CTNNA3: variants seen among roughly 807,000 people sequenced by gnomAD.
The protein encoded by CTNNA3 is catenin alpha-3.
In CTNNA3, 76 loss-of-function variants were observed where a neutral mutation model predicts 95.7. The ratio of observed to expected loss-of-function variants is 0.79; its 90% confidence interval spans 0.66 to 0.96. The LOEUF (loss-of-function observed/expected upper bound fraction) is 0.96. CTNNA3 is among the 40% of genes least tolerant of loss of function. The pLI is 0.00. For synonymous variants in CTNNA3, 431 were observed against 374.4 expected, an observed-to-expected ratio of 1.15 and a Z score of -1.74; for missense variants, 1,191 against 1,089.8, an observed-to-expected ratio of 1.09 and a Z score of -1.31.
chr10:66,401,515 C>T (rs940982516), intron 11 of CTNNA3, among the ~76,000 whole-genome samples: 2 of 83,084 alleles, frequency 2.4e-5, no homozygotes, highest in Non-Finnish European at 4.6e-5. Context: ...GACTGTGTCT[C>T]AAAACACACA....
intron 7 of CTNNA3, among the ~76,000 whole-genome samples, chr10:66,899,561 G>A (rs1845640062): frequency 6.6e-6 from 1 of 152,164 alleles, no homozygotes; most frequent in African/African-American, 2.4e-5. Flanking sequence ...GCCTCACCCA[G>A]GAAGTGCAAG....
At chr10:67,304,537 C>A (rs975213903) in intron 5 of CTNNA3, among the ~76,000 whole-genome samples, 1 of 152,064 alleles carries the variant, frequency 6.6e-6, no homozygotes, top group African/African-American at 2.4e-5. Context: ...ATGTGTCCTG[C>A]AAATTTACCT....
intron 5 of CTNNA3, among the ~76,000 whole-genome samples, chr10:67,426,645 G>C (rs1310589288): frequency 1.3e-5 from 2 of 151,888 alleles, no homozygotes; most frequent in Non-Finnish European, 2.9e-5. Flanking sequence ...ATCACACACC[G>C]GGGCCTGTCG....
At chr10:66,649,129 A>C (rs1845808619) in intron 9 of CTNNA3, among the ~76,000 whole-genome samples, 1 of 152,144 alleles carries the variant, frequency 6.6e-6, no homozygotes, top group African/African-American at 2.4e-5. Flanking sequence ...TTAAAGGAGG[A>C]ATGATTGAAC....
chr10:67,232,599 C>T (rs545766631), intron 5 of CTNNA3, among the ~76,000 whole-genome samples: 51 of 151,908 alleles, frequency 3.4e-4, no homozygotes, highest in African/African-American at 1.2e-3. Context: ...AAAACTGCAT[C>T]AACTAACGAG....
chr10:66,153,511 T>G (rs941834315), intron 13 of CTNNA3, among the ~76,000 whole-genome samples: 3 of 151,982 alleles, frequency 2.0e-5, no homozygotes, highest in African/African-American at 7.2e-5. Flanking sequence ...TAGCCTTAGC[T>G]GCAGGATGTT....
intron 10 of CTNNA3, among the ~76,000 whole-genome samples, chr10:66,551,139 G>A (rs1842202841): frequency 6.6e-6 from 1 of 151,972 alleles, no homozygotes; most frequent in Non-Finnish European, 1.5e-5. Flanking sequence ...CTTTCCTTTA[G>A]CCTTTTGTTA....
intron 10 of CTNNA3, among the ~76,000 whole-genome samples, chr10:66,523,468 C>A (rs1371223509): frequency 2.0e-5 from 3 of 152,146 alleles, no homozygotes. Context: ...ATTCTTCTAA[C>A]CCTCTTTAGG....
chr10:66,381,789 C>A (rs190812130), intron 11 of CTNNA3, among the ~76,000 whole-genome samples: 1 of 152,098 alleles, frequency 6.6e-6, no homozygotes, highest in Admixed American at 6.5e-5. Flanking sequence ...ATCATTAAGC[C>A]CTACAGTAAA....
intron 11 of CTNNA3, among the ~76,000 whole-genome samples, chr10:66,425,701 T>C (rs12778802): frequency 2.7e-5 from 4 of 147,686 alleles, no homozygotes; most frequent in Non-Finnish European, 3.0e-5. Flanking sequence ...CACACACACA[T>C]ATATACACAC....
intron 6 of CTNNA3, among the ~76,000 whole-genome samples, chr10:67,182,466 G>A (rs1414963512): frequency 1.3e-5 from 2 of 152,078 alleles, no homozygotes; most frequent in Non-Finnish European, 2.9e-5. Context: ...AAATGGTGCT[G>A]GGAAAACGGG....
chr10:66,634,980 C>A (rs1042361545), intron 9 of CTNNA3, among the ~76,000 whole-genome samples: 1 of 152,062 alleles, frequency 6.6e-6, no homozygotes, highest in African/African-American at 2.4e-5. Flanking sequence ...GTAGACTGCT[C>A]TAAGAGTCCC....
rs1210264653 is a variant in CTNNA3 at position 66,284,271 on chromosome 10, T to C, written c.1733-3650A>G. On this transcript the variant is annotated intron_variant, in intron 12 of 17. Transcript: ENST00000433211. Reference sequence around the variant, plus strand: ...CATCTTGGCACTGTGCTAAGCATTTTAGATGCATGTCTCATAATCCTCACG... The same window carrying C: ...CATCTTGGCACTGTGCTAAGCATTTCAGATGCATGTCTCATAATCCTCACG... Among the ~76,000 whole-genome samples the C allele has an allele frequency of 5.9e-5, 9 of 152,086 alleles. No individual in the cohort carries two copies. In the East Asian group the frequency reaches 1.7e-3, roughly 29 times the overall value.
intron 11 of CTNNA3, among the ~76,000 whole-genome samples, chr10:66,495,564 A>G (rs1227944459): frequency 1.3e-5 from 2 of 152,220 alleles, no homozygotes; most frequent in Admixed American, 1.3e-4. Flanking sequence ...ATCATAACAC[A>G]AAAGTATCTA....
intron 2 of CTNNA3, among the ~76,000 whole-genome samples, chr10:67,633,137 T>C (rs746768885): frequency 3.3e-5 from 5 of 152,084 alleles, no homozygotes; most frequent in African/African-American, 1.2e-4. Context: ...ATTCTTTAAG[T>C]AGGACCCCAA....
intron 13 of CTNNA3, among the ~76,000 whole-genome samples, chr10:66,148,757 C>T (rs950536709): frequency 1.3e-5 from 2 of 151,910 alleles, no homozygotes; most frequent in Non-Finnish European, 2.9e-5. Flanking sequence ...TTTGTTATAG[C>T]AGCAGGAGCA....
At chr10:66,926,994 G>A (rs1243684203) in intron 7 of CTNNA3, 8 of 1,614,128 alleles carry the variant, frequency 5.0e-6, no homozygotes, top group Non-Finnish European at 6.8e-6. Flanking sequence ...TACTGACAAT[G>A]CTTTCTTCTG....
At chr10:66,515,002 C>A (rs1840788809) in intron 11 of CTNNA3, among the ~76,000 whole-genome samples, 1 of 151,946 alleles carries the variant, frequency 6.6e-6, no homozygotes, top group Non-Finnish European at 1.5e-5. Context: ...ATTAGAGATA[C>A]CCTTATTTCA....
At chr10:67,577,639 T>C (rs1842210884) in intron 3 of CTNNA3, among the ~76,000 whole-genome samples, 1 of 151,894 alleles carries the variant, frequency 6.6e-6, no homozygotes, top group Non-Finnish European at 1.5e-5. Context: ...TTTGTATATA[T>C]ATGTATGTGT....
Sources: gnomAD v4.1 joint callset for allele counts (sites outside exome capture counted in the v4.1 genomes callset) on GRCh38, gnomAD v4.1.1 for gene constraint, MANE v1.5 for transcripts, NCBI Gene and HGNC (gene_info 2026-07-23, HGNC 2026-07-21) for gene names.